The following SAMD12 variants were observed in gnomAD, a reference collection of about 807,000 sequenced individuals.
SAMD12 encodes sterile alpha motif domain-containing protein 12.
SAMD12 carries 9 observed loss-of-function variants against 15.0 expected under a neutral mutation model. That is an observed-to-expected ratio of 0.60 (90% CI 0.36 to 1.05). The LOEUF (loss-of-function observed/expected upper bound fraction) is 1.05. Ranked by LOEUF, SAMD12 falls within the 50% of genes least tolerant of loss-of-function variation. The probability of loss-of-function intolerance (pLI) is 0.01; values close to 1 mark genes in which losing one functional copy is unlikely to be tolerated. For missense variants in SAMD12, 230 were observed against 234.2 expected (o/e 0.98, Z 0.12); for synonymous variants, 86 against 90.1 (o/e 0.96, Z 0.25).
chr8:118,599,237 A>T (rs2514591), intron 1 of SAMD12, among the ~76,000 whole-genome samples: 2 of 152,074 alleles, frequency 1.3e-5, no homozygotes, highest in East Asian at 3.9e-4. Flanking sequence ...GAGATGCAAC[A>T]TGTCCAGGTT....
intron 2 of SAMD12, among the ~76,000 whole-genome samples, chr8:118,469,545 T>TAATATATATTTA (rs376346512): frequency 4.5e-4 from 1 of 2,212 alleles, no homozygotes; most frequent in Non-Finnish European, 2.3e-3. Flanking sequence ...ATATATTATA[T>TAATATATATTTA]TATTATATAT....
intron 2 of SAMD12, among the ~76,000 whole-genome samples, chr8:118,514,129 T>A (rs1246532450): frequency 1.3e-5 from 2 of 152,200 alleles, no homozygotes; most frequent in African/African-American, 4.8e-5. Context: ...ATAAAGTACA[T>A]GAGATCAGCA....
chr8:118,373,433 C>T (rs946199024), downstream of SAMD12, among the ~76,000 whole-genome samples: 1 of 152,126 alleles, frequency 6.6e-6, no homozygotes, highest in African/African-American at 2.4e-5. Flanking sequence ...GCTGAAGTAT[C>T]ATTGCGGAGG....
chr8:118,242,514 T>G (rs1315860792), intron 4 of SAMD12, among the ~76,000 whole-genome samples: 1 of 152,098 alleles, frequency 6.6e-6, no homozygotes, highest in Non-Finnish European at 1.5e-5. Context: ...AATTGTCCTA[T>G]TATATTAGTT....
At chr8:118,159,155 G>A in the SAMD12 span, among the ~76,000 whole-genome samples, 39,399 of 152,008 alleles carry the variant, frequency 0.26, 5,250 homozygotes, top group Admixed American at 0.31. Flanking sequence ...CCTTCAGGGA[G>A]CCCAGACCTA....
At chr8:118,454,555 G>C in intron 2 of SAMD12, among the ~76,000 whole-genome samples, 1 of 152,084 alleles carries the variant, frequency 6.6e-6, no homozygotes, top group East Asian at 1.9e-4. Flanking sequence ...CTCTTTTCTA[G>C]AATGTCTATT....
intron 2 of SAMD12, among the ~76,000 whole-genome samples, chr8:118,562,884 G>A (rs1586821262): frequency 6.6e-6 from 1 of 152,294 alleles, no homozygotes; most frequent in Admixed American, 6.5e-5. Flanking sequence ...CAGGAGAGAA[G>A]TCAGGCCTGG....
intron 4 of SAMD12, among the ~76,000 whole-genome samples, chr8:118,228,043 C>A (rs1040023653): frequency 7.9e-5 from 12 of 152,108 alleles, no homozygotes; most frequent in African/African-American, 2.7e-4. Flanking sequence ...GAAAGGACAC[C>A]CTTTTCAACA....
At chr8:118,379,800 T>A in intron 3 of SAMD12, 100 bp from the exon 4 acceptor site, 2 of 1,425,030 alleles carry the variant, frequency 1.4e-6, no homozygotes, top group Non-Finnish European at 1.9e-6. Flanking sequence ...CAGAAGTTTC[T>A]ACCTAAACAC....
intron 2 of SAMD12, among the ~76,000 whole-genome samples, chr8:118,468,365 T>G (rs1205324341): frequency 2.0e-5 from 3 of 152,148 alleles, no homozygotes; most frequent in African/African-American, 2.4e-5. Flanking sequence ...AACCCACTCC[T>G]CTTGGCAGCA....
chr8:118,580,047 A>T (rs924095626), intron 2 of SAMD12, among the ~76,000 whole-genome samples: 3 of 152,178 alleles, frequency 2.0e-5, no homozygotes, highest in African/African-American at 7.2e-5. Flanking sequence ...TGTTTAGGTT[A>T]AAGACTGAAA....
intron 4 of SAMD12, among the ~76,000 whole-genome samples, chr8:118,283,525 T>G (rs2130178407): frequency 6.6e-6 from 1 of 152,268 alleles, no homozygotes; most frequent in Non-Finnish European, 1.5e-5. Flanking sequence ...GGCCTTGTAA[T>G]CCTCCTCTAA....
chr8:118,272,044 G>A (rs994061469), intron 4 of SAMD12, among the ~76,000 whole-genome samples: 2 of 152,198 alleles, frequency 1.3e-5, no homozygotes, highest in African/African-American at 4.8e-5. Flanking sequence ...CTGTGTGGGG[G>A]CTCCGATCCC....
chr8:118,376,282 T>C (rs1819384639), downstream of SAMD12, among the ~76,000 whole-genome samples: 1 of 152,198 alleles, frequency 6.6e-6, no homozygotes, highest in South Asian at 2.1e-4. Flanking sequence ...CTAAATGTTA[T>C]GTCTCCTCAA....
At chr8:118,206,155 C>A (rs896182884) in intron 4 of SAMD12, among the ~76,000 whole-genome samples, 1 of 152,196 alleles carries the variant, frequency 6.6e-6, no homozygotes, top group Admixed American at 6.5e-5. Context: ...TCCAGCTTGT[C>A]TCCATTTCCA....
chr8:118,546,230 A>G (rs1826119197), intron 2 of SAMD12, among the ~76,000 whole-genome samples: 1 of 152,216 alleles, frequency 6.6e-6, no homozygotes, highest in African/African-American at 2.4e-5. Flanking sequence ...ACCAATTAAC[A>G]TTTAAGCCAA....
At chr8:118,476,457 TAC>T (rs1287990681) in intron 2 of SAMD12, among the ~76,000 whole-genome samples, 1 of 152,218 alleles carries the variant, frequency 6.6e-6, no homozygotes, top group African/African-American at 2.4e-5. Flanking sequence ...ATTTTTCTTT[TAC>T]AGAGATAAAT....
intron 4 of SAMD12, among the ~76,000 whole-genome samples, chr8:118,371,439 G>C (rs188899193): frequency 2.0e-5 from 3 of 152,066 alleles, no homozygotes; most frequent in Admixed American, 2.0e-4. Flanking sequence ...AGATAAGGCT[G>C]GGAAAGATGG....
chr8:118,319,074 A>C (rs1816094369), intron 4 of SAMD12, among the ~76,000 whole-genome samples: 1 of 152,154 alleles, frequency 6.6e-6, no homozygotes, highest in South Asian at 2.1e-4. Context: ...AACACACCTC[A>C]GCCATAAAGC....
Sources: allele counts gnomAD v4.1 joint callset (sites outside exome capture counted in the v4.1 genomes callset), GRCh38; gene constraint gnomAD v4.1.1; transcripts MANE v1.5; gene names NCBI Gene and HGNC (gene_info 2026-07-23, HGNC 2026-07-21).